The following MAN1B1 variants were observed in gnomAD, a reference collection of about 807,000 sequenced individuals.
The protein encoded by MAN1B1 is endoplasmic reticulum mannosyl-oligosaccharide 1,2-alpha-mannosidase.
In MAN1B1, 66 loss-of-function variants were observed where a neutral mutation model predicts 75.5. The observed-to-expected ratio is 0.87, with a 90% confidence interval of 0.72 to 1.07. The LOEUF (loss-of-function observed/expected upper bound fraction) is 1.07, where lower values mean the gene tolerates loss of function less well. Among genes scored for constraint, MAN1B1 ranks in the 50% least tolerant of loss-of-function variants. MAN1B1 has a pLI of 0.00. For synonymous variants in MAN1B1, 453 were observed against 382.8 expected (o/e 1.18, Z -2.14); for missense variants, 973 against 912.5 (o/e 1.07, Z -0.85).
intron 12 of MAN1B1, chr9:137,108,036 G>A (rs1241154804): frequency 4.6e-5 from 28 of 611,442 alleles, no homozygotes; most frequent in Non-Finnish European, 7.0e-5. Context: ...CGCCCTCCAC[G>A]CCAGAGTGTC....
rs899853032 is a variant in MAN1B1 at position 137,091,523 on chromosome 9, T to A, written c.465+2518T>A. Among the ~76,000 whole-genome samples the A allele has an allele frequency of 1.0e-3, 57 of 57,208 alleles. No individual in the cohort carries two copies. The East Asian group carries it at 0.011, about 11-fold the overall frequency. The allele number at this position is 57,208 out of a possible 152,430, so 37.5% of individuals were successfully genotyped here. A position where few individuals can be genotyped will look rare whatever the true frequency, so the allele number is the denominator to read the frequency against. ...GAGTTCAAATTTTTTTGTTTTATAT[T>A]TTTTTTTTTTTTTTTTTTTTTGAGA... On this transcript the variant is annotated intron_variant, in intron 3 of 12. Transcript: ENST00000371589.
rs770572261 is a variant in MAN1B1, at chr9:137,101,105, C to T, written c.1017C>T (p.Leu339=). Residue 339 remains leucine, a synonymous_variant, in exon 7 of 13, where the codon CTC becomes CTT. Transcript: ENST00000371589. ...GCACGATCCGCATCCTGGGGGGGCT[C>T]CTGAGTGCCTACCACCTGTCTGGGG... is the stretch of plus-strand genomic sequence containing the variant. ...FESTIRILGG[L]LSAYHLSGDS... The T allele has an allele frequency of 1.2e-6, 2 of 1,614,096 alleles. No individual in the cohort carries two copies. Among genetic ancestry groups the T allele is most frequent in the Non-Finnish European group, 1.7e-6 (2 of 1,180,022 alleles).
At chr9:137,108,064 T>C (rs1831182464) in intron 12 of MAN1B1, 2 of 607,650 alleles carry the variant, frequency 3.3e-6, no homozygotes, top group South Asian at 4.0e-5. Flanking sequence ...GGCTCTGCTG[T>C]GATCTTGGCC....
At chr9:137,105,573 A>G (rs1831064791) in intron 8 of MAN1B1, 1 of 285,650 alleles carries the variant, frequency 3.5e-6, no homozygotes, top group South Asian at 3.0e-5. Flanking sequence ...GGCGTGCCCT[A>G]ACATCCCGGT....
intron 12 of MAN1B1, 108 bp downstream of exon 12, chr9:137,107,770 C>G: frequency 6.5e-7 from 1 of 1,538,910 alleles, no homozygotes; most frequent in Non-Finnish European, 9.0e-7. Flanking sequence ...TGACCTGGAT[C>G]CGGGAGGGGC....
At position 137,106,728 on chromosome 9, in the gene MAN1B1, A is replaced by G. The variant is rs113472164; in HGVS notation, c.1485A>G (p.Arg495=). 3,869 of 1,613,504 alleles carry G rather than the reference A, an allele frequency of 2.4e-3. 29 individuals are homozygous for G. The highest frequency in any genetic ancestry group is 0.015 in the African/African-American group (1,099 of 75,050). ...ACGTGGAAGCCATCGAGGGTGTCAG[A>G]ACGCACCTGCTGCGGCACTCCGAGC... ...EDYVEAIEGV[R]THLLRHSEPS... Residue 495 remains arginine (R), a synonymous_variant, in exon 10 of 13, where the codon AGA becomes AGG. Transcript: ENST00000371589.
intron 12 of MAN1B1, 76 bp from the exon 13 acceptor site, chr9:137,108,312 A>C: frequency 7.8e-7 from 1 of 1,286,766 alleles, no homozygotes; most frequent in Non-Finnish European, 1.1e-6. Flanking sequence ...CATGGGGTGG[A>C]GAGCGCTTCG....
At chr9:137,091,484 G>A (rs1017863714) in intron 3 of MAN1B1, among the ~76,000 whole-genome samples, 5 of 146,666 alleles carry the variant, frequency 3.4e-5, no homozygotes, top group African/African-American at 1.2e-4. Context: ...TTCTGTTAAC[G>A]TTTTACTTTG....
chr9:137,095,730 C>G (rs1158135525), intron 3 of MAN1B1, among the ~76,000 whole-genome samples: 2 of 152,192 alleles, frequency 1.3e-5, no homozygotes, highest in Non-Finnish European at 2.9e-5. Context: ...GGACGGGGCT[C>G]TGTGCCTGCA....
chr9:137,104,508 C>T, intron 8 of MAN1B1: 1 of 194,606 alleles, frequency 5.1e-6, no homozygotes, highest in Non-Finnish European at 1.1e-5. Context: ...GCTGGGATGA[C>T]AGGCGTGAGC....
At chr9:137,097,776 A>G (rs1830692936) in intron 4 of MAN1B1, 52 bp from the exon 5 acceptor site, 1 of 1,384,740 alleles carries the variant, frequency 7.2e-7, no homozygotes, top group African/African-American at 1.4e-5. Flanking sequence ...GGTGGGAAAC[A>G]TGGAGCCACA....
chr9:137,107,450 G>A lies in MAN1B1; in HGVS notation c.1764+3G>A. On this transcript the variant is annotated splice_donor_region_variant and intron_variant, in intron 11 of 12. Transcript: ENST00000371589. The stretch of plus-strand genomic sequence containing the variant: ...GCCGTCGGGACGTGGAGGTCAAGGT[G>A]GGCCTGGGCCTGGGTCAGGGTCCAT... 3 of 1,613,336 alleles carry A rather than the reference G, an allele frequency of 1.9e-6. No individual in the cohort carries two copies. The highest frequency in any genetic ancestry group is 2.2e-5 in the South Asian group (2 of 91,076).
At chr9:137,104,603 A>T (rs528229175) in intron 8 of MAN1B1, 1 of 170,316 alleles carries the variant, frequency 5.9e-6, no homozygotes, top group South Asian at 1.4e-4. Context: ...TGCTTCAGAG[A>T]TTCCTTTTTC....
rs539252462 is a variant in MAN1B1, at chr9:137,101,805, C to T, written c.1254+133C>T. 4.7e-5 allele frequency: 52 copies of T among 1,095,940 alleles called. No homozygotes were observed. In the Middle Eastern group the frequency reaches 5.8e-4, roughly 12 times the overall value. The allele number at this position is 1,095,940 out of a possible 1,614,324, so 67.9% of individuals were successfully genotyped here. A position where few individuals can be genotyped will look rare whatever the true frequency, so the allele number is the denominator to read the frequency against. ...TTTTACTGTGATAAAACACACAAAA[C>T]GCACCACCTTAACCATTTCCAGGCG... On this transcript the variant is annotated intron_variant, in intron 8 of 12. Coordinates refer to ENST00000371589, the MANE Select transcript of MAN1B1 (RefSeq NM_016219.5).
At position 137,106,160 on chromosome 9, in the gene MAN1B1, C is replaced by T. The variant is rs770015490; in HGVS notation, c.1290C>T (p.Gly430=). The T allele has an allele frequency of 6.2e-7, 1 of 1,613,022 alleles. No homozygotes were observed. Among genetic ancestry groups the T allele is most frequent in the South Asian group, 1.1e-5 (1 of 90,958 alleles). ...AGAAGGTGACACAGCACATCCACGG[C>T]CTGTCTGGGAAGAAGGATGGGCTGG... is the stretch of plus-strand genomic sequence containing the variant. The part of the protein sequence containing the change: ...AVEKVTQHIH[G]LSGKKDGLVP... Residue 430 remains glycine (G), a synonymous_variant, in exon 9 of 13, where the codon GGC becomes GGT. Transcript: ENST00000371589.
intron 8 of MAN1B1, 117 bp downstream of exon 8, chr9:137,101,789 G>T: frequency 8.0e-7 from 1 of 1,253,114 alleles, no homozygotes; most frequent in Non-Finnish European, 1.1e-6. Flanking sequence ...TTTTTACTGT[G>T]ATAAAACACA....
chr9:137,087,252 G>A, intron 1 of MAN1B1, 34 bp downstream of exon 1: 2 of 1,547,266 alleles, frequency 1.3e-6, no homozygotes, highest in South Asian at 1.2e-5. Flanking sequence ...GGGGCCCGGG[G>A]CTGCCGTGCC....
intron 3 of MAN1B1, among the ~76,000 whole-genome samples, chr9:137,094,616 T>C (rs1830604205): frequency 1.3e-5 from 2 of 151,460 alleles, no homozygotes; most frequent in African/African-American, 4.9e-5. Flanking sequence ...TAGTGGCTCA[T>C]GCCTGTAATC....
At chr9:137,097,681 C>T (rs1830689976) in intron 4 of MAN1B1, 147 bp from the exon 5 acceptor site, 1 of 689,884 alleles carries the variant, frequency 1.4e-6, no homozygotes, top group African/African-American at 1.8e-5. Context: ...CTGTGTGTTT[C>T]CTGCCACTCA....
Sources: allele counts gnomAD v4.1 joint callset (sites outside exome capture counted in the v4.1 genomes callset), GRCh38; gene constraint gnomAD v4.1.1; transcripts MANE v1.5; gene names NCBI Gene and HGNC (gene_info 2026-07-23, HGNC 2026-07-21).